Variants in NFYC observed in about 807,000 individuals in gnomAD.
The protein encoded by NFYC is nuclear transcription factor Y subunit gamma.
Under a neutral mutation model 53.1 loss-of-function variants are expected in NFYC, and 25 were observed. That is an observed-to-expected ratio of 0.47 (90% CI 0.34 to 0.66). NFYC has a LOEUF of 0.66. Ranked by LOEUF, NFYC falls within the 30% of genes least tolerant of loss-of-function variation. The pLI, the probability that NFYC is intolerant of heterozygous loss-of-function variation, is 0.01. For synonymous variants in NFYC, 145 were observed against 152.6 expected, an observed-to-expected ratio of 0.95 and a Z score of 0.37; for missense variants, 260 against 422.7, an observed-to-expected ratio of 0.62 and a Z score of 3.38.
chr1:40,736,740 G>A (rs957052280), intron 1 of NFYC, among the ~76,000 whole-genome samples: 2 of 145,640 alleles, frequency 1.4e-5, no homozygotes, highest in African/African-American at 2.6e-5. Context: ...CTGACATGAC[G>A]CTCAAAGGAA....
intron 1 of NFYC, among the ~76,000 whole-genome samples, chr1:40,729,637 A>G (rs1330374089): frequency 6.7e-6 from 1 of 149,636 alleles, no homozygotes; most frequent in Non-Finnish European, 1.5e-5. Flanking sequence ...AGCTTGGGTA[A>G]GTGTTTGGTG....
At position 40,732,836 on chromosome 1, in the gene NFYC, C is replaced by A. The variant is rs189184850; in HGVS notation, c.-8-6000C>A. On this transcript the variant is annotated intron_variant, in intron 1 of 9. Coordinates refer to ENST00000447388, the MANE Select transcript of NFYC (RefSeq NM_014223.5). ...TGTGTGTGTGTCCTTTCTGTCATCC[C>A]CTTTTATTTTAAATCCATTTCAGTA... Among the ~76,000 whole-genome samples, 356 of 152,194 alleles carry A rather than the reference C, an allele frequency of 2.3e-3. 1 individual carries two copies. Among genetic ancestry groups the A allele is most frequent in the African/African-American group, 8.2e-3 (339 of 41,486 alleles).
chr1:40,740,027 G>A (rs937797076), intron 2 of NFYC, among the ~76,000 whole-genome samples: 1 of 152,148 alleles, frequency 6.6e-6, no homozygotes, highest in East Asian at 1.9e-4. Context: ...GTAGTGGAAG[G>A]TGAGACAGGT....
At position 40,749,156 on chromosome 1, in the gene NFYC, G is replaced by A. The variant is rs565868511; in HGVS notation, c.178-417G>A. 4.6e-5 allele frequency among the ~76,000 whole-genome samples: 7 copies of A among 152,270 alleles called. No homozygotes were observed. In the South Asian group the frequency reaches 1.4e-3, roughly 32 times the overall value. ...ATCCTCTTTTTCAGTACATGAAAAA[G>A]CCCAAAAGGATGGGAAGCCTGCAAT... On this transcript the variant is annotated intron_variant, in intron 3 of 9. Coordinates refer to ENST00000447388, the MANE Select transcript of NFYC (RefSeq NM_014223.5).
At position 40,762,546 on chromosome 1, in the gene NFYC, C is replaced by T. The variant is rs181717052; in HGVS notation, c.562-342C>T. Among the ~76,000 whole-genome samples, 201 of 152,270 alleles carry T rather than the reference C, an allele frequency of 1.3e-3. 2 individuals are homozygous for T. The highest frequency in any genetic ancestry group is 2.0e-3 in the Admixed American group (31 of 15,300). ...TGACTTTGGCTATTTCTGAAGTAAACGGTCATGGTTGCTTTTGATTTTTTC... is the reference window on the plus strand; with the variant it reads ...TGACTTTGGCTATTTCTGAAGTAAATGGTCATGGTTGCTTTTGATTTTTTC... On this transcript the variant is annotated intron_variant, in intron 6 of 9. Transcript: ENST00000447388.
intron 1 of NFYC, among the ~76,000 whole-genome samples, chr1:40,709,822 T>C (rs139820547): frequency 5.1e-4 from 78 of 152,324 alleles, no homozygotes; most frequent in African/African-American, 1.7e-3. Flanking sequence ...ATCAGGTACA[T>C]GGAGAAAGGC....
At chr1:40,762,748 G>A in intron 6 of NFYC, 140 bp from the exon 7 acceptor site, 1 of 719,520 alleles carries the variant, frequency 1.4e-6, no homozygotes, top group Non-Finnish European at 2.1e-6. Context: ...GGACTCTGTA[G>A]GTTATTACTA....
chr1:40,763,221 T>TCTATA, intron 7 of NFYC, 175 bp downstream of exon 7: 1 of 495,772 alleles, frequency 2.0e-6, no homozygotes, highest in Non-Finnish European at 3.6e-6. Context: ...GATATATATA[T>TCTATA]GTATGTCTCT....
chr1:40,701,984 TCTCATG>T (rs1470720142), intron 1 of NFYC, among the ~76,000 whole-genome samples: 2 of 152,152 alleles, frequency 1.3e-5, no homozygotes, highest in Non-Finnish European at 2.9e-5. Flanking sequence ...GACTGCTCTC[TCTCATG>T]TTGCCTTTAC....
At chr1:40,769,518 C>A in intron 9 of NFYC, 103 bp downstream of exon 9, 3 of 922,886 alleles carry the variant, frequency 3.3e-6, no homozygotes, top group Non-Finnish European at 5.4e-6. Flanking sequence ...CTGTCCTCTA[C>A]TAACAGTGAG....
chr1:40,701,974 G>A (rs1365086357), intron 1 of NFYC, among the ~76,000 whole-genome samples: 1 of 152,026 alleles, frequency 6.6e-6, no homozygotes, highest in African/African-American at 2.4e-5. Context: ...TGCTGCACAT[G>A]ACTGCTCTCT....
intron 1 of NFYC, among the ~76,000 whole-genome samples, chr1:40,707,721 C>T (rs1405183531): frequency 6.6e-6 from 1 of 151,314 alleles, no homozygotes; most frequent in Non-Finnish European, 1.5e-5. Flanking sequence ...CACCTGTAGT[C>T]CTAGCTACTC....
At chr1:40,766,268 CTAA>C (rs1646805889) in intron 7 of NFYC, 1 of 233,366 alleles carries the variant, frequency 4.3e-6, no homozygotes, top group Admixed American at 5.1e-5. Flanking sequence ...AGATAAATTC[CTAA>C]GATAAGCTGT....
chr1:40,736,562 A>G (rs1645035957), intron 1 of NFYC, among the ~76,000 whole-genome samples: 1 of 152,188 alleles, frequency 6.6e-6, no homozygotes, highest in Non-Finnish European at 1.5e-5. Context: ...ACCTTTTCAA[A>G]TAATTCCTCA....
chr1:40,753,134 G>C lies in NFYC; in HGVS notation c.292-17G>C, dbSNP rs750958364. ...TCTCCCCAGGCTAATTTTTCACACC[G>C]CTCTTCTTTGTTACAGAGAAATGAT... On this transcript the variant is annotated splice_polypyrimidine_tract_variant and intron_variant, in intron 4 of 9. Transcript: ENST00000447388. 6.3e-7 allele frequency: 1 copy of C among 1,587,936 alleles called. No homozygotes were observed. Among genetic ancestry groups the C allele is most frequent in the Non-Finnish European group, 8.6e-7 (1 of 1,157,058 alleles).
Position 40,719,523 on chromosome 1 carries a change from C to T in NFYC, c.-8-19313C>T, listed in dbSNP as rs114822271. Among the ~76,000 whole-genome samples the T allele has an allele frequency of 4.4e-3, 664 of 152,316 alleles. 10 individuals carry two copies. The highest frequency in any genetic ancestry group is 0.015 in the African/African-American group (640 of 41,558). On this transcript the variant is annotated intron_variant, in intron 1 of 9. Coordinates refer to ENST00000447388, the MANE Select transcript of NFYC (RefSeq NM_014223.5). ...TTCTATCTCCACTTTTGTTTGGTAG[C>T]TAGATGGCCTAGTCCCACTCCTTTG...
At chr1:40,767,563 T>C (rs1231572955) in intron 8 of NFYC, among the ~76,000 whole-genome samples, 1 of 152,204 alleles carries the variant, frequency 6.6e-6, no homozygotes, top group Non-Finnish European at 1.5e-5. Flanking sequence ...TAGCTGATAC[T>C]GACTCACACC....
intron 1 of NFYC, among the ~76,000 whole-genome samples, chr1:40,697,103 T>C (rs1453791839): frequency 6.6e-6 from 1 of 152,240 alleles, no homozygotes; most frequent in African/African-American, 2.4e-5. Context: ...TCTTAACTTG[T>C]TTCTTCTTCT....
In NFYC at chr1:40,770,230, G is replaced by GAA; in HGVS notation, c.889-476_889-475dup. The GAA allele has an allele frequency of 1.4e-6, 1 of 711,850 alleles. No homozygotes were observed. Among genetic ancestry groups the GAA allele is most frequent in the Non-Finnish European group, 2.3e-6 (1 of 439,022 alleles). 44.1% of individuals were successfully genotyped at this position (711,850 alleles called of 1,614,324 possible). A position where few individuals can be genotyped will look rare whatever the true frequency, so the allele number is the denominator to read the frequency against. On this transcript the variant is annotated intron_variant, in intron 9 of 9. Coordinates refer to ENST00000447388, the MANE Select transcript of NFYC (RefSeq NM_014223.5). This position sits in a 1 kb window ranked among gnomAD's most constrained non-coding sequence, Gnocchi z 5.3. ...CCACCTCCTTAGCAGGGTCCATGGA[G>GAA]AAAATTCAAATTCAGTTTAGTTTCA...
Sources: allele counts gnomAD v4.1 joint callset (sites outside exome capture counted in the v4.1 genomes callset), GRCh38; gene constraint gnomAD v4.1.1; non-coding constraint Gnocchi (gnomAD v3.1); transcripts MANE v1.5; gene names NCBI Gene and HGNC (gene_info 2026-07-23, HGNC 2026-07-21).